Variants in HPSE2 observed in about 807,000 individuals in gnomAD.
The protein encoded by HPSE2 is heparanase 2 (inactive).
HPSE2 carries 38 observed loss-of-function variants against 60.5 expected under a neutral mutation model. That is an observed-to-expected ratio of 0.63 (90% CI 0.48 to 0.82). HPSE2 has a LOEUF of 0.82. Ranked by LOEUF, HPSE2 falls within the 40% of genes least tolerant of loss-of-function variation. HPSE2 has a pLI of 0.00. For missense variants in HPSE2, 713 were observed against 740.4 expected (o/e 0.96, Z 0.43); for synonymous variants, 295 against 293.2 (o/e 1.01, Z -0.06).
At chr10:98,557,992 C>G (rs967311355) in intron 9 of HPSE2, among the ~76,000 whole-genome samples, 1 of 152,026 alleles carries the variant, frequency 6.6e-6, no homozygotes, top group African/African-American at 2.4e-5. Context: ...AAACCCTGAA[C>G]AGACATCTCA....
At chr10:99,302,095 T>C in the HPSE2 span, among the ~76,000 whole-genome samples, 8 of 150,716 alleles carry the variant, frequency 5.3e-5, no homozygotes. Flanking sequence ...CATGAGGGAG[T>C]AAAAAGGGTG....
intron 3 of HPSE2, among the ~76,000 whole-genome samples, chr10:98,931,890 A>G (rs1589383849): frequency 7.0e-6 from 1 of 143,722 alleles, no homozygotes; most frequent in East Asian, 2.0e-4. Context: ...GGTTTTCTAG[A>G]TACAGGATCA....
chr10:98,768,445 C>T (rs1039147023), intron 3 of HPSE2, among the ~76,000 whole-genome samples: 4 of 152,088 alleles, frequency 2.6e-5, no homozygotes, highest in Non-Finnish European at 5.9e-5. Context: ...ATAATTCTCA[C>T]AAAATTATTT....
intron 3 of HPSE2, among the ~76,000 whole-genome samples, chr10:99,039,359 TACG>T (rs1957683135): frequency 6.6e-6 from 1 of 152,094 alleles, no homozygotes; most frequent in Admixed American, 6.6e-5. Context: ...CTGTCTTGAA[TACG>T]ACACCAACCA....
intron 3 of HPSE2, among the ~76,000 whole-genome samples, chr10:98,748,341 T>C (rs1440785192): frequency 6.6e-6 from 1 of 152,128 alleles, no homozygotes; most frequent in African/African-American, 2.4e-5. Context: ...AAGACATATG[T>C]TCTACAGTTT....
chr10:98,972,421 C>T (rs1955977956), intron 3 of HPSE2, among the ~76,000 whole-genome samples: 1 of 151,918 alleles, frequency 6.6e-6, no homozygotes, highest in South Asian at 2.1e-4. Flanking sequence ...ATTGGCTGTG[C>T]TTTATTGGTT....
At chr10:99,115,185 C>T (rs1391598115) in intron 3 of HPSE2, among the ~76,000 whole-genome samples, 3 of 148,984 alleles carry the variant, frequency 2.0e-5, no homozygotes, top group Non-Finnish European at 4.5e-5. Context: ...CGGAGTCTCG[C>T]TCTGTCACCC....
chr10:98,953,162 T>G (rs912855332), intron 3 of HPSE2, among the ~76,000 whole-genome samples: 1 of 152,160 alleles, frequency 6.6e-6, no homozygotes, highest in Non-Finnish European at 1.5e-5. Flanking sequence ...GAGCTGGGCT[T>G]CCTTCTGGTA....
chr10:99,275,382 C>T, the HPSE2 span, among the ~76,000 whole-genome samples: 2 of 152,108 alleles, frequency 1.3e-5, no homozygotes, highest in South Asian at 2.1e-4. Flanking sequence ...TTGACTCGTA[C>T]GTCTTAGTAC....
At chr10:98,869,988 T>C (rs1273843307) in intron 3 of HPSE2, among the ~76,000 whole-genome samples, 1 of 152,208 alleles carries the variant, frequency 6.6e-6, no homozygotes, top group Non-Finnish European at 1.5e-5. Flanking sequence ...TTACATACTC[T>C]GTTTTTTAAT....
At chr10:98,726,038 G>T (rs1949068978) in intron 4 of HPSE2, among the ~76,000 whole-genome samples, 1 of 152,182 alleles carries the variant, frequency 6.6e-6, no homozygotes, top group Non-Finnish European at 1.5e-5. Context: ...CCATTGGTGG[G>T]ACTGTAAACT....
chr10:98,503,342 G>A (rs1164771845), intron 9 of HPSE2, among the ~76,000 whole-genome samples: 1 of 152,138 alleles, frequency 6.6e-6, no homozygotes, highest in Non-Finnish European at 1.5e-5. Flanking sequence ...AAGAATGGCT[G>A]TAATCAAAAA....
the HPSE2 span, among the ~76,000 whole-genome samples, chr10:99,243,285 G>A: frequency 4.4e-4 from 67 of 151,944 alleles, 2 homozygotes; most frequent in Non-Finnish European, 2.4e-4. Context: ...CCCAGGAGGC[G>A]GAGGTTGCAG....
intron 3 of HPSE2, among the ~76,000 whole-genome samples, chr10:99,030,828 C>T (rs539639084): frequency 6.6e-6 from 1 of 152,072 alleles, no homozygotes; most frequent in South Asian, 2.1e-4. Flanking sequence ...TAGTCATCTG[C>T]AATAACACGG....
At chr10:98,635,307 T>C (rs1389758316) in intron 7 of HPSE2, among the ~76,000 whole-genome samples, 1 of 152,220 alleles carries the variant, frequency 6.6e-6, no homozygotes, top group Admixed American at 6.5e-5. Context: ...ACATCCATTA[T>C]GGAAAACAGT....
intron 6 of HPSE2, among the ~76,000 whole-genome samples, chr10:98,642,378 A>G (rs1946661382): frequency 6.6e-6 from 1 of 152,196 alleles, no homozygotes; most frequent in Non-Finnish European, 1.5e-5. Context: ...CATATCTTTA[A>G]ATAAGAAAAT....
intron 6 of HPSE2, among the ~76,000 whole-genome samples, chr10:98,665,699 A>T (rs1947345050): frequency 6.6e-6 from 1 of 152,196 alleles, no homozygotes; most frequent in Non-Finnish European, 1.5e-5. Context: ...CTTCATAAGC[A>T]AAGGAGGATA....
intron 9 of HPSE2, among the ~76,000 whole-genome samples, chr10:98,590,668 A>G (rs1305979944): frequency 6.6e-6 from 1 of 152,154 alleles, no homozygotes; most frequent in Non-Finnish European, 1.5e-5. Flanking sequence ...AGGATTAGAT[A>G]CACCCAGGAT....
At chr10:99,277,456 T>C in the HPSE2 span, among the ~76,000 whole-genome samples, 2 of 152,168 alleles carry the variant, frequency 1.3e-5, no homozygotes, top group African/African-American at 4.8e-5. Flanking sequence ...ATAAAATGAA[T>C]CCCTTATGAG....
Sources: gnomAD v4.1 joint callset for allele counts (sites outside exome capture counted in the v4.1 genomes callset) on GRCh38, gnomAD v4.1.1 for gene constraint, MANE v1.5 for transcripts, NCBI Gene and HGNC (gene_info 2026-07-23, HGNC 2026-07-21) for gene names.